Variants in CFAP300 observed in about 807,000 individuals in gnomAD.
The protein encoded by CFAP300 is cilia- and flagella-associated protein 300.
A neutral mutation model predicts 33.0 loss-of-function variants in CFAP300; 32 were observed. The ratio of observed to expected loss-of-function variants is 0.97; its 90% CI spans 0.73 to 1.30. The LOEUF (loss-of-function observed/expected upper bound fraction) is 1.30. Ranked by LOEUF, CFAP300 falls within the 50% of genes most tolerant of loss-of-function variation. The pLI, the probability that CFAP300 is intolerant of heterozygous loss-of-function variation, is 0.00. For missense variants in CFAP300, 356 were observed against 318.1 expected (o/e 1.12, Z -0.90); for synonymous variants, 102 against 106.8 (o/e 0.95, Z 0.28).
At chr11:102,064,849 T>G (rs1012812612) in intron 3 of CFAP300, among the ~76,000 whole-genome samples, 2 of 152,148 alleles carry the variant, frequency 1.3e-5, no homozygotes, top group African/African-American at 4.8e-5. Flanking sequence ...CTTTATGACT[T>G]TCTGTAATTT....
chr11:102,065,697 G>C (rs1161307126), intron 3 of CFAP300, among the ~76,000 whole-genome samples: 2 of 151,652 alleles, frequency 1.3e-5, no homozygotes, highest in Non-Finnish European at 2.9e-5. Flanking sequence ...AACCAGGGAG[G>C]CAGGGGTTGT....
At chr11:102,064,234 C>A (rs767933986) in intron 3 of CFAP300, among the ~76,000 whole-genome samples, 1 of 152,194 alleles carries the variant, frequency 6.6e-6, no homozygotes, top group Non-Finnish European at 1.5e-5. Flanking sequence ...TCCTTCCACT[C>A]CCCAAATCAG....
In CFAP300 at chr11:102,066,473, A is replaced by G. The variant is rs372331970; in HGVS notation, c.269-12A>G. 7 of 1,555,782 alleles carry G rather than the reference A, an allele frequency of 4.5e-6. No homozygotes were observed. Among genetic ancestry groups the G allele is most frequent in the Admixed American group, 1.9e-5 (1 of 52,062 alleles). On this transcript the variant is annotated splice_polypyrimidine_tract_variant and intron_variant, in intron 3 of 6. Transcript: ENST00000434758. Reference sequence around the variant, plus strand: ...TTTCTATCTCCATTCTTTATAAAATATCTTTTTTCAGGAACTGAAGTGAAA... The same window carrying G: ...TTTCTATCTCCATTCTTTATAAAATGTCTTTTTTCAGGAACTGAAGTGAAA...
chr11:102,059,099 C>G lies in CFAP300; in HGVS notation c.268+144C>G. On this transcript the variant is annotated intron_variant, in intron 3 of 6. Coordinates refer to ENST00000434758, the MANE Select transcript of CFAP300 (RefSeq NM_032930.3). ...TCAAATATGACCAGCTGTGCCAGAC[C>G]TGCCCTGCATCTCTTTCCTGGGAGT... 4 of 540,700 alleles carry G rather than the reference C, an allele frequency of 7.4e-6. No homozygotes were observed. In the South Asian group the frequency reaches 1.2e-4, roughly 17 times the overall value. 33.5% of individuals were successfully genotyped at this position (540,700 alleles called of 1,614,324 possible).
chr11:102,063,761 A>G (rs768434286), intron 3 of CFAP300, among the ~76,000 whole-genome samples: 8 of 152,272 alleles, frequency 5.3e-5, no homozygotes, highest in Admixed American at 2.0e-4. Context: ...TGAGGCCACA[A>G]TGAGCCATGA....
chr11:102,063,376 C>T (rs1942178824), intron 3 of CFAP300, among the ~76,000 whole-genome samples: 2 of 152,226 alleles, frequency 1.3e-5, no homozygotes, highest in Admixed American at 1.3e-4. Context: ...GTCTGTCCCA[C>T]CTATGTATTT....
intron 3 of CFAP300, among the ~76,000 whole-genome samples, chr11:102,062,481 G>A (rs528145605): frequency 1.3e-5 from 2 of 152,282 alleles, no homozygotes; most frequent in Admixed American, 6.5e-5. Context: ...TGGAAACTGG[G>A]GTAAAGGTGA....
chr11:102,083,063 T>A lies in CFAP300; in HGVS notation c.676-8T>A. Reference sequence around the variant, plus strand: ...AAAATAATAATAATTTAGGTTTGTCTTTTTCAGGATTCTGCTGGTATGTGC... The same window carrying A: ...AAAATAATAATAATTTAGGTTTGTCATTTTCAGGATTCTGCTGGTATGTGC... On this transcript the variant is annotated splice_polypyrimidine_tract_variant and splice_region_variant and intron_variant, in intron 6 of 6. Transcript: ENST00000434758. The A allele has an allele frequency of 1.4e-6, 2 of 1,387,976 alleles. No individual in the cohort carries two copies. Among genetic ancestry groups the A allele is most frequent in the Non-Finnish European group, 1.9e-6 (2 of 1,063,998 alleles). The allele number at this position is 1,387,976 out of a possible 1,614,324, so 86.0% of individuals were successfully genotyped here.
intron 4 of CFAP300, among the ~76,000 whole-genome samples, chr11:102,069,975 C>T (rs1210757920): frequency 6.6e-6 from 1 of 152,042 alleles, no homozygotes; most frequent in Non-Finnish European, 1.5e-5. Flanking sequence ...TCCTCCACCC[C>T]CCAAAAATTG....
At chr11:102,082,111 C>T (rs1942482387) in intron 6 of CFAP300, among the ~76,000 whole-genome samples, 1 of 152,072 alleles carries the variant, frequency 6.6e-6, no homozygotes, top group Non-Finnish European at 1.5e-5. Flanking sequence ...CCACCCCGTG[C>T]AGTGGCTCAT....
At chr11:102,049,527 T>C (rs1472660604) in intron 2 of CFAP300, among the ~76,000 whole-genome samples, 1 of 152,178 alleles carries the variant, frequency 6.6e-6, no homozygotes, top group Non-Finnish European at 1.5e-5. Context: ...CTACCTCCCT[T>C]TCCCTAAGAT....
At position 102,047,834 on chromosome 11, in the gene CFAP300, A is replaced by G. The variant is rs772846615; in HGVS notation, c.130A>G (p.Lys44Glu). 2 of 1,614,026 alleles carry G rather than the reference A, an allele frequency of 1.2e-6. No homozygotes were observed. Among genetic ancestry groups the G allele is most frequent in the Non-Finnish European group, 1.7e-6 (2 of 1,179,968 alleles). The change falls in exon 2 of 7, where the codon AAG becomes GAG. Residue 44 changes from lysine to glutamate, a missense_variant. Transcript: ENST00000434758. Reference protein sequence around the residue: ...LRQWSMLGRIKAQAFGFDQTF... With the variant: ...LRQWSMLGRIEAQAFGFDQTF... ...CCCCAGGTCCATGCTGGGCAGAATC[A>G]AGGCGCAGGCGTTCGGCTTTGACCA...
intron 3 of CFAP300, among the ~76,000 whole-genome samples, chr11:102,066,209 A>G (rs1050481435): frequency 6.6e-6 from 1 of 152,128 alleles, no homozygotes. Context: ...TCCTGACCTC[A>G]AGTGATCCAC....
At chr11:102,077,715 T>C (rs2135049195) in intron 5 of CFAP300, among the ~76,000 whole-genome samples, 1 of 152,176 alleles carries the variant, frequency 6.6e-6, no homozygotes, top group African/African-American at 2.4e-5. Context: ...GCTGGGATTA[T>C]AGGCACAAGC....
intron 4 of CFAP300, among the ~76,000 whole-genome samples, chr11:102,072,873 G>A (rs1271047389): frequency 1.3e-5 from 2 of 152,148 alleles, no homozygotes; most frequent in Admixed American, 1.3e-4. Context: ...CAGTAGTGTA[G>A]TCTCCATATG....
At chr11:102,052,307 A>G (rs1941983780) in intron 2 of CFAP300, among the ~76,000 whole-genome samples, 1 of 152,258 alleles carries the variant, frequency 6.6e-6, no homozygotes, top group African/African-American at 2.4e-5. Flanking sequence ...TTCAGAAGGC[A>G]TAAAATGCAT....
intron 5 of CFAP300, among the ~76,000 whole-genome samples, chr11:102,078,535 T>C (rs946529604): frequency 6.6e-6 from 1 of 152,200 alleles, no homozygotes; most frequent in African/African-American, 2.4e-5. Context: ...ATGATAACTG[T>C]ACTTTCTTGC....
At chr11:102,061,527 C>CT (rs905929892) in intron 3 of CFAP300, among the ~76,000 whole-genome samples, 1 of 152,142 alleles carries the variant, frequency 6.6e-6, no homozygotes, top group Non-Finnish European at 1.5e-5. Context: ...TACACTTTGT[C>CT]TTTTTTTGAT....
At chr11:102,069,178 G>T (rs1213839292) in intron 4 of CFAP300, among the ~76,000 whole-genome samples, 1 of 152,174 alleles carries the variant, frequency 6.6e-6, no homozygotes, top group African/African-American at 2.4e-5. Flanking sequence ...TTGCCTGTAT[G>T]GCTTGCTCTT....
Sources: allele counts gnomAD v4.1 joint callset (sites outside exome capture counted in the v4.1 genomes callset), GRCh38; gene constraint gnomAD v4.1.1; transcripts MANE v1.5; gene names NCBI Gene and HGNC (gene_info 2026-07-23, HGNC 2026-07-21).